The following KCNK1 variants were observed in gnomAD, a reference collection of about 807,000 sequenced individuals.
The protein encoded by KCNK1 is potassium channel subfamily K member 1.
KCNK1 carries 10 observed loss-of-function variants against 22.2 expected under a neutral mutation model. The observed-to-expected ratio is 0.45, with a 90% CI of 0.28 to 0.76. KCNK1 has a LOEUF of 0.76. Ranked by LOEUF, KCNK1 falls within the 30% of genes least tolerant of loss-of-function variation. KCNK1 has a pLI of 0.14. For missense variants in KCNK1, 378 were observed against 421.0 expected, an observed-to-expected ratio of 0.90 and a Z score of 0.89; for synonymous variants, 200 against 186.4, an observed-to-expected ratio of 1.07 and a Z score of -0.60.
chr1:233,620,654 A>G (rs1377943192), intron 1 of KCNK1, among the ~76,000 whole-genome samples: 2 of 152,216 alleles, frequency 1.3e-5, no homozygotes, highest in Non-Finnish European at 2.9e-5. Context: ...GAGAGATCCA[A>G]AATCCCATAT....
chr1:233,645,305 T>C (rs542825537), intron 1 of KCNK1, among the ~76,000 whole-genome samples: 130 of 152,324 alleles, frequency 8.5e-4, no homozygotes, highest in Non-Finnish European at 1.6e-3. Flanking sequence ...CCCTAACCTC[T>C]GGAAACTGTG....
At chr1:233,667,527 G>A (rs1057442708) in intron 2 of KCNK1, among the ~76,000 whole-genome samples, 176 of 151,878 alleles carry the variant, frequency 1.2e-3, no homozygotes, top group Middle Eastern at 6.8e-3. Flanking sequence ...TCAGGAGATC[G>A]AGACCATCCT....
chr1:233,623,663 G>T (rs548908112), intron 1 of KCNK1, among the ~76,000 whole-genome samples: 1 of 152,270 alleles, frequency 6.6e-6, no homozygotes, highest in Admixed American at 6.5e-5. Context: ...ATCTCAGATC[G>T]CTGCAACCTC....
chr1:233,642,601 G>C (rs1280716149), intron 1 of KCNK1, among the ~76,000 whole-genome samples: 1 of 152,224 alleles, frequency 6.6e-6, no homozygotes, highest in Non-Finnish European at 1.5e-5. Context: ...GGGCTTGTTT[G>C]TGAGGGACAC....
At chr1:233,620,316 C>T (rs72762235) in intron 1 of KCNK1, among the ~76,000 whole-genome samples, 5 of 152,184 alleles carry the variant, frequency 3.3e-5, no homozygotes, top group African/African-American at 1.2e-4. Context: ...TTGAAAGGTA[C>T]GCTAAGAGTA....
At chr1:233,657,440 C>T (rs1285252454) in intron 1 of KCNK1, among the ~76,000 whole-genome samples, 4 of 152,036 alleles carry the variant, frequency 2.6e-5, no homozygotes, top group African/African-American at 9.7e-5. Context: ...ATGATCTGCC[C>T]GCAGTAACCT....
chr1:233,650,802 A>G (rs1465198542), intron 1 of KCNK1, among the ~76,000 whole-genome samples: 2 of 151,818 alleles, frequency 1.3e-5, no homozygotes, highest in Non-Finnish European at 2.9e-5. Flanking sequence ...ACAATAGAAA[A>G]AAAAAAAAAA....
rs773071435 is a variant in KCNK1 at position 233,614,489 on chromosome 1, C to T, written c.318C>T (p.Ser106=). ...ASGNWNWDFT[S]ALFFASTVLS... is the part of the protein sequence containing the mutation. Reference sequence around the variant, plus strand: ...GCAACTGGAACTGGGACTTCACCTCCGCGCTCTTCTTCGCCAGCACCGTGC... The same window carrying T: ...GCAACTGGAACTGGGACTTCACCTCTGCGCTCTTCTTCGCCAGCACCGTGC... Residue 106 remains serine (S), a synonymous_variant, in exon 1 of 3, where the codon TCC becomes TCT. Coordinates refer to ENST00000366621, the MANE Select transcript of KCNK1 (RefSeq NM_002245.4). 6 of 1,611,026 alleles carry T rather than the reference C, an allele frequency of 3.7e-6. No individual in the cohort carries two copies. In the Admixed American group the frequency reaches 1.0e-4, roughly 27 times the overall value.
chr1:233,658,885 G>T (rs1190437030), intron 1 of KCNK1, among the ~76,000 whole-genome samples: 1 of 152,196 alleles, frequency 6.6e-6, no homozygotes, highest in Non-Finnish European at 1.5e-5. Flanking sequence ...CTGGGTGAGT[G>T]AGTAAGTGGT....
intron 1 of KCNK1, among the ~76,000 whole-genome samples, chr1:233,645,264 T>C (rs1288232074): frequency 2.0e-5 from 3 of 152,098 alleles, no homozygotes; most frequent in African/African-American, 7.2e-5. Flanking sequence ...TGTAATGGGT[T>C]TAATGGTGAC....
At chr1:233,659,734 G>A (rs1048129915) in intron 1 of KCNK1, among the ~76,000 whole-genome samples, 10 of 152,066 alleles carry the variant, frequency 6.6e-5, no homozygotes, top group African/African-American at 2.4e-4. Flanking sequence ...GTCTGGTATA[G>A]TCTGATGGGA....
At chr1:233,636,323 G>A (rs529076855) in intron 1 of KCNK1, among the ~76,000 whole-genome samples, 2 of 152,270 alleles carry the variant, frequency 1.3e-5, no homozygotes, top group South Asian at 4.2e-4. Flanking sequence ...AGACCAGCTG[G>A]GAAGCTATTA....
chr1:233,650,098 T>C (rs758240791), intron 1 of KCNK1: 3 of 525,420 alleles, frequency 5.7e-6, no homozygotes. Flanking sequence ...AGAAGAGAAC[T>C]TTTAGGAGAG....
intron 1 of KCNK1, among the ~76,000 whole-genome samples, chr1:233,639,579 G>A (rs1388145077): frequency 6.6e-6 from 1 of 152,152 alleles, no homozygotes; most frequent in African/African-American, 2.4e-5. Context: ...CCTAACGTCT[G>A]ACAAAGCATT....
chr1:233,617,217 GC>G (rs1460177819), intron 1 of KCNK1, among the ~76,000 whole-genome samples: 1 of 151,882 alleles, frequency 6.6e-6, no homozygotes, highest in Non-Finnish European at 1.5e-5. Context: ...GCCCATGAGT[GC>G]TTTTATGTCA....
intron 1 of KCNK1, among the ~76,000 whole-genome samples, chr1:233,629,038 C>A (rs1443416047): frequency 6.6e-5 from 10 of 152,160 alleles, no homozygotes; most frequent in Admixed American, 6.5e-4. Context: ...CTAACTCTAA[C>A]ATTTTATAAT....
chr1:233,632,130 G>T (rs1370071366), intron 1 of KCNK1, among the ~76,000 whole-genome samples: 1 of 152,192 alleles, frequency 6.6e-6, no homozygotes, highest in East Asian at 1.9e-4. Flanking sequence ...AGGACATTTG[G>T]CTGAAAAGCT....
At chr1:233,627,351 T>C (rs1657706314) in intron 1 of KCNK1, among the ~76,000 whole-genome samples, 1 of 152,222 alleles carries the variant, frequency 6.6e-6, no homozygotes, top group Non-Finnish European at 1.5e-5. Context: ...GTAACTCACA[T>C]TCTTCAAATG....
chr1:233,626,690 T>C (rs1402060631), intron 1 of KCNK1, among the ~76,000 whole-genome samples: 2 of 152,110 alleles, frequency 1.3e-5, no homozygotes, highest in Non-Finnish European at 2.9e-5. Context: ...ATGAATACAT[T>C]TAACAACAGC....
Sources: gnomAD v4.1 joint callset for allele counts (sites outside exome capture counted in the v4.1 genomes callset) on GRCh38, gnomAD v4.1.1 for gene constraint, MANE v1.5 for transcripts, NCBI Gene and HGNC (gene_info 2026-07-23, HGNC 2026-07-21) for gene names.